PIK3C2G: variants seen among roughly 807,000 people sequenced by gnomAD.
PIK3C2G encodes the protein phosphatidylinositol 3-kinase C2 domain-containing subunit gamma.
PIK3C2G carries 168 observed loss-of-function variants against 181.1 expected under a neutral mutation model. The observed-to-expected ratio is 0.93, with a 90% confidence interval of 0.82 to 1.05. PIK3C2G has a LOEUF of 1.05. Ranked by LOEUF, PIK3C2G falls within the 50% of genes least tolerant of loss-of-function variation. The probability of loss-of-function intolerance (pLI) is 0.00; values close to 1 mark genes in which losing one functional copy is unlikely to be tolerated. For synonymous variants in PIK3C2G, 573 were observed against 592.2 expected (o/e 0.97, Z 0.47); for missense variants, 1,869 against 1,732.8 (o/e 1.08, Z -1.40).
chr12:18,682,090 G>T, the PIK3C2G span, among the ~76,000 whole-genome samples: 4 of 151,998 alleles, frequency 2.6e-5, no homozygotes, highest in African/African-American at 9.7e-5. Flanking sequence ...GGAAGGGTGT[G>T]CACTGATCTT....
chr12:18,685,475 T>C, the PIK3C2G span: 1 of 216,762 alleles, frequency 4.6e-6, no homozygotes, highest in Admixed American at 4.5e-5. Flanking sequence ...CAATAGTTTT[T>C]GTTCTTTGAC....
At chr12:18,264,704 A>T (rs1948405369) in intron 1 of PIK3C2G, among the ~76,000 whole-genome samples, 1 of 152,130 alleles carries the variant, frequency 6.6e-6, no homozygotes, top group Admixed American at 6.6e-5. Context: ...ATGTGAGAAC[A>T]AAAGAAGAAA....
intron 24 of PIK3C2G, among the ~76,000 whole-genome samples, chr12:18,531,954 G>A (rs1290398455): frequency 4.0e-5 from 6 of 150,810 alleles, no homozygotes; most frequent in African/African-American, 1.4e-4. Flanking sequence ...AAACTGCCAA[G>A]TGATTTTCCA....
upstream of PIK3C2G, among the ~76,000 whole-genome samples, chr12:18,245,949 C>T (rs1347724100): frequency 6.6e-6 from 1 of 152,120 alleles, no homozygotes; most frequent in Non-Finnish European, 1.5e-5. Flanking sequence ...TGCAAAACCT[C>T]ATTAGTATTG....
At chr12:18,331,857 A>G (rs950889680) in intron 8 of PIK3C2G, among the ~76,000 whole-genome samples, 2 of 152,140 alleles carry the variant, frequency 1.3e-5, no homozygotes, top group African/African-American at 4.8e-5. Flanking sequence ...ATAGTTTACT[A>G]AGAGCTTATT....
At chr12:18,544,498 G>A (rs910931002) in intron 25 of PIK3C2G, among the ~76,000 whole-genome samples, 7 of 151,770 alleles carry the variant, frequency 4.6e-5, no homozygotes, top group Non-Finnish European at 8.8e-5. Flanking sequence ...GGCTGAATTA[G>A]GACAATGATA....
rs765538409 is a variant in PIK3C2G at position 18,325,026 on chromosome 12, A to G, written c.1209-9A>G. 20 of 1,459,140 alleles carry G rather than the reference A, an allele frequency of 1.4e-5. No homozygotes were observed. In the Admixed American group the frequency reaches 3.2e-4, roughly 24 times the overall value. The allele number at this position is 1,459,140 out of a possible 1,614,324, so 90.4% of individuals were successfully genotyped here. On this transcript the variant is annotated splice_polypyrimidine_tract_variant and intron_variant, in intron 7 of 32. Coordinates refer to ENST00000538779, the MANE Select transcript of PIK3C2G (RefSeq NM_001288772.2). Reference sequence around the variant, plus strand: ...ATTTTAAACAAAGTTTCTATTTTTTATTTTCCAGACAATGTCTCTTAACAC... The same window carrying G: ...ATTTTAAACAAAGTTTCTATTTTTTGTTTTCCAGACAATGTCTCTTAACAC...
intron 31 of PIK3C2G, among the ~76,000 whole-genome samples, chr12:18,615,330 GGTGTGTGTGTGTGTGTGT>G (rs3055216): frequency 7.2e-6 from 1 of 138,140 alleles, no homozygotes; most frequent in Non-Finnish European, 1.5e-5. Context: ...AGTATTCCAC[GGTGTGTGTGTGTGTGTGT>G]GTGTGTGTGT....
At chr12:18,463,949 T>C (rs548099424) in intron 18 of PIK3C2G, among the ~76,000 whole-genome samples, 2 of 152,258 alleles carry the variant, frequency 1.3e-5, no homozygotes, top group South Asian at 4.1e-4. Context: ...AGATATTCAG[T>C]GTCCTTTCCT....
At chr12:18,696,332 A>G in the PIK3C2G span, 2 of 177,918 alleles carry the variant, frequency 1.1e-5, 1 homozygote, top group South Asian at 2.7e-4. Flanking sequence ...CTATATATAT[A>G]TATATATATA....
intron 2 of PIK3C2G, among the ~76,000 whole-genome samples, chr12:18,284,324 A>G (rs113824015): frequency 1.3e-5 from 2 of 152,206 alleles, no homozygotes; most frequent in Admixed American, 1.3e-4. Context: ...TCAATGCTAC[A>G]TCAACCAAAA....
intron 30 of PIK3C2G, among the ~76,000 whole-genome samples, chr12:18,602,520 AT>A (rs1202090340): frequency 1.3e-5 from 2 of 150,632 alleles, no homozygotes; most frequent in Non-Finnish European, 3.0e-5. Flanking sequence ...CCCCCTCCAC[AT>A]TACTACAGCT....
chr12:18,609,371 T>C (rs1657975836), intron 30 of PIK3C2G, among the ~76,000 whole-genome samples, 164 bp from the exon 31 acceptor site: 1 of 152,124 alleles, frequency 6.6e-6, no homozygotes, highest in Non-Finnish European at 1.5e-5. Context: ...CCCATCTCTA[T>C]GTAACCAACT....
intron 6 of PIK3C2G, among the ~76,000 whole-genome samples, chr12:18,315,797 A>C (rs1004675389): frequency 2.6e-5 from 4 of 152,050 alleles, no homozygotes; most frequent in African/African-American, 7.3e-5. Flanking sequence ...TACCAACTTA[A>C]ATGGGAAATA....
chr12:18,559,227 C>T (rs2136317984), intron 26 of PIK3C2G, among the ~76,000 whole-genome samples: 1 of 152,260 alleles, frequency 6.6e-6, no homozygotes, highest in South Asian at 2.1e-4. Flanking sequence ...TTAAATGTCC[C>T]TAAATCTCTT....
rs762988008 is a variant in PIK3C2G at position 18,534,075 on chromosome 12, G to A, written c.3324-4081G>A. On this transcript the variant is annotated intron_variant, in intron 24 of 32. Coordinates refer to ENST00000538779, the MANE Select transcript of PIK3C2G (RefSeq NM_001288772.2). ...AACAATTCTTGTGCCTCAGCCTCCCGAGTAGCTGGGATTACAGGTGTGTGC... is the reference window on the plus strand; with the variant it reads ...AACAATTCTTGTGCCTCAGCCTCCCAAGTAGCTGGGATTACAGGTGTGTGC... 8.1e-5 allele frequency among the ~76,000 whole-genome samples: 12 copies of A among 148,290 alleles called. No individual in the cohort carries two copies. The East Asian group carries it at 8.2e-4, about 10-fold the overall frequency.
intron 30 of PIK3C2G, among the ~76,000 whole-genome samples, chr12:18,595,679 C>T (rs1044515008): frequency 2.0e-5 from 3 of 152,140 alleles, no homozygotes; most frequent in Non-Finnish European, 2.9e-5. Context: ...GCAGGGCCAG[C>T]TGTATCCACT....
At chr12:18,497,828 C>G in intron 22 of PIK3C2G, 80 bp downstream of exon 22, 2 of 1,096,618 alleles carry the variant, frequency 1.8e-6, no homozygotes, top group Non-Finnish European at 2.5e-6. Context: ...AAACTTTCTC[C>G]AGCTTTCGTT....
the PIK3C2G span, chr12:18,694,233 G>T: frequency 1.6e-6 from 1 of 606,880 alleles, no homozygotes; most frequent in African/African-American, 1.9e-5. Flanking sequence ...GTCTTTTGGA[G>T]TACGATGTGT....
Sources: gnomAD v4.1 joint callset for allele counts (sites outside exome capture counted in the v4.1 genomes callset) on GRCh38, gnomAD v4.1.1 for gene constraint, MANE v1.5 for transcripts, NCBI Gene and HGNC (gene_info 2026-07-23, HGNC 2026-07-21) for gene names.